The following NELL1 variants were observed in gnomAD, a reference collection of about 807,000 sequenced individuals.
The protein encoded by NELL1 is neural EGFL like 1.
NELL1 carries 76 observed loss-of-function variants against 107.4 expected under a neutral mutation model. The ratio of observed to expected loss-of-function variants is 0.71; its 90% CI spans 0.59 to 0.86. The LOEUF is 0.86. NELL1 is among the 40% of genes least tolerant of loss of function. The pLI is 0.00. For missense variants in NELL1, 1,024 were observed against 1,005.5 expected (o/e 1.02, Z -0.25); for synonymous variants, 353 against 341.2 (o/e 1.03, Z -0.38).
intron 16 of NELL1, among the ~76,000 whole-genome samples, chr11:21,540,466 G>A (rs1856263777): frequency 6.6e-6 from 1 of 152,030 alleles, no homozygotes; most frequent in Non-Finnish European, 1.5e-5. Flanking sequence ...GGCTGTATTA[G>A]TCTGTTCTCG....
intron 13 of NELL1, among the ~76,000 whole-genome samples, chr11:21,132,071 C>T (rs1855631184): frequency 6.6e-6 from 1 of 152,138 alleles, no homozygotes; most frequent in Non-Finnish European, 1.5e-5. Flanking sequence ...CTGGCATTGA[C>T]TATGCTGTTT....
intron 2 of NELL1, among the ~76,000 whole-genome samples, chr11:20,778,430 G>A (rs1163396661): frequency 1.3e-5 from 2 of 149,768 alleles, no homozygotes; most frequent in African/African-American, 5.0e-5. Context: ...TCTATTTGAG[G>A]CAGAGAAGAG....
At chr11:21,380,715 A>G (rs537879236) in intron 15 of NELL1, among the ~76,000 whole-genome samples, 7 of 152,148 alleles carry the variant, frequency 4.6e-5, no homozygotes, top group African/African-American at 9.6e-5. Flanking sequence ...ACATATGGAA[A>G]AATATCTCCA....
At position 21,480,986 on chromosome 11, in the gene NELL1, C is replaced by T. The variant is rs77063492; in HGVS notation, c.1646-53388C>T. Among the ~76,000 whole-genome samples the T allele has an allele frequency of 8.6e-3, 1,312 of 152,146 alleles. 20 individuals carry two copies. The highest frequency in any genetic ancestry group is 0.03 in the African/African-American group (1,247 of 41,504). ...TTGGCTAAATCACTAGTCACTTAAC[C>T]GGATTACTAGTCACTTTACCTCAGT... On this transcript the variant is annotated intron_variant, in intron 15 of 19. Transcript: ENST00000357134.
At chr11:21,505,914 G>T (rs1319984056) in intron 15 of NELL1, among the ~76,000 whole-genome samples, 2 of 152,116 alleles carry the variant, frequency 1.3e-5, no homozygotes, top group Non-Finnish European at 2.9e-5. Flanking sequence ...CTAAATGATT[G>T]ATGAATGAAT....
intron 2 of NELL1, among the ~76,000 whole-genome samples, chr11:20,683,425 T>C (rs1854235850): frequency 6.6e-6 from 1 of 152,054 alleles, no homozygotes. Context: ...GTAGTGAGCA[T>C]AATTCCCTAT....
chr11:20,721,178 T>A lies in NELL1; in HGVS notation c.184+43118T>A, dbSNP rs79177243. ...ACCAATGAGATATAGATATATATTT[T>A]GTGTATATATATATATATAGTGTAT... On this transcript the variant is annotated intron_variant, in intron 2 of 19. Coordinates refer to ENST00000357134, the MANE Select transcript of NELL1 (RefSeq NM_006157.5). Among the ~76,000 whole-genome samples, 381 of 45,234 alleles carry A rather than the reference T, an allele frequency of 8.4e-3. No individual in the cohort carries two copies. In the East Asian group the frequency reaches 0.11, roughly 13 times the overall value. The allele number at this position is 45,234 out of a possible 152,430, so 29.7% of individuals were successfully genotyped here.
intron 12 of NELL1, among the ~76,000 whole-genome samples, chr11:21,073,904 A>G (rs1254218376): frequency 1.3e-5 from 2 of 152,162 alleles, no homozygotes; most frequent in Non-Finnish European, 2.9e-5. Flanking sequence ...GTAGTTTTAA[A>G]GAGGCTTCTT....
intron 13 of NELL1, among the ~76,000 whole-genome samples, chr11:21,148,546 A>G (rs1026552435): frequency 2.6e-5 from 4 of 152,180 alleles, no homozygotes; most frequent in African/African-American, 9.7e-5. Context: ...AGGGTTTATG[A>G]GCCTTACTTC....
chr11:20,918,482 G>C (rs1293672769), intron 6 of NELL1, among the ~76,000 whole-genome samples: 5 of 151,886 alleles, frequency 3.3e-5, no homozygotes, highest in African/African-American at 1.2e-4. Flanking sequence ...ACATACCCTA[G>C]ACTGGGTAAT....
intron 12 of NELL1, among the ~76,000 whole-genome samples, chr11:21,062,923 G>A (rs1853776617): frequency 6.6e-6 from 1 of 152,080 alleles, no homozygotes; most frequent in African/African-American, 2.4e-5. Flanking sequence ...TGCCTCCTGG[G>A]TTCAAGCAAT....
intron 14 of NELL1, among the ~76,000 whole-genome samples, chr11:21,268,771 C>T (rs1316556445): frequency 6.6e-6 from 1 of 151,928 alleles, no homozygotes; most frequent in Non-Finnish European, 1.5e-5. Context: ...GCAAGGGATA[C>T]TAAAAGGAGA....
chr11:21,399,514 A>C (rs1852049364), intron 15 of NELL1, among the ~76,000 whole-genome samples: 1 of 151,858 alleles, frequency 6.6e-6, no homozygotes, highest in African/African-American at 2.4e-5. Context: ...ATCATTGCTA[A>C]ATAATTTTTT....
intron 14 of NELL1, among the ~76,000 whole-genome samples, chr11:21,271,627 G>A (rs1185312691): frequency 6.6e-6 from 1 of 152,122 alleles, no homozygotes; most frequent in African/African-American, 2.4e-5. Flanking sequence ...TTCTTTGTGA[G>A]GCCAACATTA....
chr11:20,780,181 A>T (rs1856826018), intron 2 of NELL1, among the ~76,000 whole-genome samples: 1 of 152,210 alleles, frequency 6.6e-6, no homozygotes, highest in Admixed American at 6.5e-5. Flanking sequence ...AAAAGTCAAC[A>T]TAAGAAATGT....
At chr11:20,712,602 G>C (rs1056012728) in intron 2 of NELL1, among the ~76,000 whole-genome samples, 2 of 152,190 alleles carry the variant, frequency 1.3e-5, no homozygotes, top group Admixed American at 6.5e-5. Context: ...CTTTTGGGTA[G>C]AGTAATCCAG....
intron 14 of NELL1, among the ~76,000 whole-genome samples, chr11:21,367,142 AAAGAGT>A (rs1851241362): frequency 6.6e-6 from 1 of 152,046 alleles, no homozygotes; most frequent in African/African-American, 2.4e-5. Context: ...TGCACAATGA[AAAGAGT>A]TCTTTCAATA....
intron 16 of NELL1, among the ~76,000 whole-genome samples, chr11:21,544,213 AG>A (rs1856371236): frequency 6.6e-6 from 1 of 152,042 alleles, no homozygotes; most frequent in Non-Finnish European, 1.5e-5. Context: ...AACCTTCACA[AG>A]TATTGGGATG....
At chr11:21,520,192 T>C (rs1855682611) in intron 15 of NELL1, among the ~76,000 whole-genome samples, 1 of 152,176 alleles carries the variant, frequency 6.6e-6, no homozygotes, top group Admixed American at 6.5e-5. Context: ...CATCTGTGGA[T>C]TTTGTCTCAC....
Sources: allele counts gnomAD v4.1 joint callset (sites outside exome capture counted in the v4.1 genomes callset), GRCh38; gene constraint gnomAD v4.1.1; transcripts MANE v1.5; gene names NCBI Gene and HGNC (gene_info 2026-07-23, HGNC 2026-07-21).